The following NXN variants were observed in gnomAD, a reference collection of about 807,000 sequenced individuals.
NXN encodes the protein nucleoredoxin 1.
In NXN, 16 loss-of-function variants were observed where a neutral mutation model predicts 48.6. The ratio of observed to expected loss-of-function variants is 0.33; its 90% CI spans 0.22 to 0.50. The LOEUF is 0.50. Ranked by LOEUF, NXN falls within the 20% of genes least tolerant of loss-of-function variation. NXN has a pLI of 0.98. For missense variants in NXN, 492 were observed against 605.5 expected, an observed-to-expected ratio of 0.81 and a Z score of 1.97; for synonymous variants, 281 against 269.6, an observed-to-expected ratio of 1.04 and a Z score of -0.41.
chr17:809,752 T>A (rs1911801212), intron 5 of NXN, among the ~76,000 whole-genome samples: 1 of 107,590 alleles, frequency 9.3e-6, no homozygotes, highest in Admixed American at 1.0e-4. Context: ...ACGGCAAATT[T>A]TTGCGCCACA....
chr17:967,800 T>G (rs372787211), intron 1 of NXN, among the ~76,000 whole-genome samples: 139 of 152,190 alleles, frequency 9.1e-4, no homozygotes, highest in African/African-American at 3.2e-3. Context: ...TGAAACCCCA[T>G]CTCTACTAAA....
At chr17:879,867 A>T (rs1273878848) in intron 1 of NXN, 1 of 152,090 alleles carries the variant, frequency 6.6e-6, no homozygotes, top group Admixed American at 6.6e-5. Flanking sequence ...GATTCTAGAA[A>T]CTTCTCTCAC....
intron 1 of NXN, among the ~76,000 whole-genome samples, chr17:914,122 A>G (rs2068662129): frequency 6.6e-6 from 1 of 151,538 alleles, no homozygotes; most frequent in Admixed American, 6.6e-5. Flanking sequence ...CTGCTCTCGA[A>G]CTCCCAACCT....
At chr17:968,468 G>A (rs1477300636) in intron 1 of NXN, among the ~76,000 whole-genome samples, 1 of 152,164 alleles carries the variant, frequency 6.6e-6, no homozygotes, top group Non-Finnish European at 1.5e-5. Flanking sequence ...AGCTACTCGG[G>A]AGGCTGAGGT....
At chr17:870,670 GGT>G (rs2068141882) in intron 1 of NXN, among the ~76,000 whole-genome samples, 1 of 151,942 alleles carries the variant, frequency 6.6e-6, no homozygotes, top group Non-Finnish European at 1.5e-5. Context: ...TGGGAGGACT[GGT>G]TAAGCCTGGA....
chr17:935,330 CA>C (rs1019539583), intron 1 of NXN, among the ~76,000 whole-genome samples: 1 of 152,098 alleles, frequency 6.6e-6, no homozygotes, highest in African/African-American at 2.4e-5. Flanking sequence ...GACTCTGCTC[CA>C]ATTCCTTCGT....
At chr17:918,302 C>T (rs1320001348) in intron 1 of NXN, among the ~76,000 whole-genome samples, 1 of 152,088 alleles carries the variant, frequency 6.6e-6, no homozygotes, top group African/African-American at 2.4e-5. Context: ...TCCTTTGTAA[C>T]GTTCGGTTTG....
At chr17:948,576 G>A (rs977963014) in intron 1 of NXN, among the ~76,000 whole-genome samples, 5 of 151,998 alleles carry the variant, frequency 3.3e-5, no homozygotes, top group Admixed American at 3.3e-4. Context: ...CAAGCAGCCT[G>A]GGAAAGGAAT....
chr17:838,593 G>A (rs1183856271), intron 1 of NXN, among the ~76,000 whole-genome samples: 1 of 152,152 alleles, frequency 6.6e-6, no homozygotes, highest in Non-Finnish European at 1.5e-5. Flanking sequence ...GTTTAGAAGT[G>A]GGAAACGGTG....
chr17:812,967 TGTAG>T (rs1307779017), intron 5 of NXN, among the ~76,000 whole-genome samples: 1 of 129,792 alleles, frequency 7.7e-6, no homozygotes, highest in African/African-American at 2.7e-5. Flanking sequence ...TGTGCATGTT[TGTAG>T]GTGTGTGTGC....
At chr17:971,784 G>A (rs1275196955) in intron 1 of NXN, among the ~76,000 whole-genome samples, 2 of 152,144 alleles carry the variant, frequency 1.3e-5, no homozygotes, top group East Asian at 1.9e-4. Flanking sequence ...CTTGGAATAC[G>A]CATAAACGGT....
intron 1 of NXN, among the ~76,000 whole-genome samples, chr17:886,793 A>G (rs1255500268): frequency 6.8e-6 from 1 of 146,716 alleles, no homozygotes; most frequent in African/African-American, 2.6e-5. Context: ...AAAAAAAAAA[A>G]TAGAAATAAT....
At position 979,546 on chromosome 17, in the gene NXN, G is replaced by A. The variant is rs1242029782; in HGVS notation, c.133C>T (p.Pro45Ser). 2.2e-6 allele frequency: 3 copies of A among 1,354,608 alleles called. No individual in the cohort carries two copies. Among genetic ancestry groups the A allele is most frequent in the Admixed American group, 3.0e-5 (1 of 32,968 alleles). 83.9% of individuals were successfully genotyped at this position (1,354,608 alleles called of 1,614,324 possible). A position where few individuals can be genotyped will look rare whatever the true frequency, so the allele number is the denominator to read the frequency against. ...GLYFGCSLSA[P>S]CAQLSASLAA... ...AGGCTGGCGCTGAGCTGCGCGCAGG[G>A]GGCGCTGAGGCTGCAGCCGAAGTAG... is the stretch of plus-strand genomic sequence containing the variant. The change falls in exon 1 of 8, where the codon CCC becomes TCC. Residue 45 changes from proline to serine, a missense_variant. Coordinates refer to ENST00000336868, the MANE Select transcript of NXN (RefSeq NM_022463.5).
chr17:884,608 G>A (rs2068322730), intron 1 of NXN, among the ~76,000 whole-genome samples: 1 of 152,152 alleles, frequency 6.6e-6, no homozygotes, highest in South Asian at 2.1e-4. Flanking sequence ...GGGACAGGCT[G>A]GGACGGATCC....
chr17:890,870 T>C (rs373974622), intron 1 of NXN, among the ~76,000 whole-genome samples: 4 of 152,168 alleles, frequency 2.6e-5, no homozygotes, highest in Admixed American at 1.3e-4. Context: ...GGGATAGAAT[T>C]CTTGCTCCTA....
At chr17:866,742 G>C (rs937920988) in intron 1 of NXN, among the ~76,000 whole-genome samples, 7 of 152,324 alleles carry the variant, frequency 4.6e-5, no homozygotes, top group South Asian at 4.1e-4. Context: ...ACCCTATCAA[G>C]CAAGGACTTT....
At chr17:892,593 C>A (rs571279082) in intron 1 of NXN, among the ~76,000 whole-genome samples, 3 of 146,820 alleles carry the variant, frequency 2.0e-5, no homozygotes, top group African/African-American at 7.5e-5. Context: ...TAGCAGGTCT[C>A]GCAGTCTCAG....
chr17:822,009 G>A (rs1310302500), intron 4 of NXN, among the ~76,000 whole-genome samples: 1 of 152,082 alleles, frequency 6.6e-6, no homozygotes, highest in Non-Finnish European at 1.5e-5. Context: ...GGCTGGGTGC[G>A]GTGGCTCACA....
Position 801,065 on chromosome 17 carries a change from G to C in NXN, c.1192C>G (p.Leu398Val). 1 of 1,582,128 alleles carries C rather than the reference G, an allele frequency of 6.3e-7. No individual in the cohort carries two copies. Among genetic ancestry groups the C allele is most frequent in the South Asian group, 1.2e-5 (1 of 86,080 alleles). Residue 398 changes from leucine (L) to valine (V), a missense_variant, in exon 8 of 8, where the codon CTG (leucine) becomes GTG (valine). Coordinates refer to ENST00000336868, the MANE Select transcript of NXN (RefSeq NM_022463.5). Reference protein sequence around the residue: ...LPEAAPLLTILDMSARAKYVM... With the variant: ...LPEAAPLLTIVDMSARAKYVM... ...TACTTGGCCCGGGCTGACATGTCCA[G>C]GATGGTGAGCAAAGGGGCAGCCTCA...
Sources: gnomAD v4.1 joint callset for allele counts (sites outside exome capture counted in the v4.1 genomes callset) on GRCh38, gnomAD v4.1.1 for gene constraint, MANE v1.5 for transcripts, NCBI Gene and HGNC (gene_info 2026-07-23, HGNC 2026-07-21) for gene names.